BIRC6: variants seen among roughly 807,000 people sequenced by gnomAD.
The protein encoded by BIRC6 is baculoviral IAP repeat containing 6.
BIRC6 carries 98 observed loss-of-function variants against 503.3 expected under a neutral mutation model. The ratio of observed to expected loss-of-function variants is 0.19; its 90% CI spans 0.17 to 0.23. The LOEUF is 0.23. BIRC6 is among the 10% of genes least tolerant of loss of function. The probability of loss-of-function intolerance (pLI) is 1.00; values close to 1 mark genes in which losing one functional copy is unlikely to be tolerated. For synonymous variants in BIRC6, 2,240 were observed against 2,078.7 expected (o/e 1.08, Z -2.11); for missense variants, 5,360 against 5,806.0 (o/e 0.92, Z 2.50).
intron 16 of BIRC6, among the ~76,000 whole-genome samples, chr2:32,440,916 T>C (rs1425544323): frequency 6.6e-6 from 1 of 151,970 alleles, no homozygotes; most frequent in African/African-American, 2.4e-5. Flanking sequence ...CACTTACCCA[T>C]GCTTGGCTAA....
chr2:32,600,814 C>T (rs930337059), intron 70 of BIRC6, among the ~76,000 whole-genome samples: 1 of 152,138 alleles, frequency 6.6e-6, no homozygotes, highest in African/African-American at 2.4e-5. Context: ...ACACTGTTAG[C>T]ATTTAATCTT....
intron 72 of BIRC6, among the ~76,000 whole-genome samples, chr2:32,609,461 ATTAATTTCT>A (rs1356320269): frequency 6.6e-6 from 1 of 152,172 alleles, no homozygotes; most frequent in Non-Finnish European, 1.5e-5. Flanking sequence ...TCACTTGATC[ATTAATTTCT>A]TAAATTGTGC....
At chr2:32,451,179 CCTT>C (rs1212580078) in intron 22 of BIRC6, among the ~76,000 whole-genome samples, 3 of 152,226 alleles carry the variant, frequency 2.0e-5, no homozygotes, top group African/African-American at 7.2e-5. Flanking sequence ...TTACCTTTCT[CCTT>C]AGAGTACTTT....
At chr2:32,576,269 GCTTAT>G (rs2060258227) in intron 66 of BIRC6, among the ~76,000 whole-genome samples, 1 of 152,160 alleles carries the variant, frequency 6.6e-6, no homozygotes. Context: ...AAGTCTTAAT[GCTTAT>G]CTTTAAGGAA....
chr2:32,391,880 A>C (rs1333371151), intron 4 of BIRC6, among the ~76,000 whole-genome samples, 159 bp from the exon 5 acceptor site: 2 of 152,226 alleles, frequency 1.3e-5, no homozygotes, highest in Non-Finnish European at 2.9e-5. Context: ...ATTCCCAAAA[A>C]TTACCGTTTT....
At chr2:32,468,153 ATTT>A (rs2048752877) in intron 28 of BIRC6, 42 bp downstream of exon 28, 2 of 1,550,192 alleles carry the variant, frequency 1.3e-6, no homozygotes, top group African/African-American at 1.4e-5. Flanking sequence ...GAAACTTTGT[ATTT>A]TATATAATGT....
intron 72 of BIRC6, 71 bp downstream of exon 72, chr2:32,607,714 A>G: frequency 7.5e-7 from 1 of 1,332,202 alleles, no homozygotes; most frequent in East Asian, 2.5e-5. Context: ...ATGGTGGCTC[A>G]TGCCTGTAAT....
chr2:32,391,990 C>T (rs767772976), intron 4 of BIRC6, 49 bp from the exon 5 acceptor site: 5 of 1,240,878 alleles, frequency 4.0e-6, no homozygotes, highest in Non-Finnish European at 5.6e-6. Flanking sequence ...AGAAGTTTCA[C>T]TGTGATTTGA....
intron 5 of BIRC6, among the ~76,000 whole-genome samples, chr2:32,392,808 AT>A (rs564215951): frequency 1.8e-3 from 258 of 139,712 alleles, no homozygotes; most frequent in East Asian, 2.1e-3. Flanking sequence ...CACCAACCTA[AT>A]TTTTTTTTTT....
chr2:32,420,111 T>C (rs944911468), intron 10 of BIRC6, among the ~76,000 whole-genome samples: 5 of 152,234 alleles, frequency 3.3e-5, no homozygotes, highest in African/African-American at 9.6e-5. Context: ...ATTTTGTTCA[T>C]AGTTTTTGCA....
intron 22 of BIRC6, among the ~76,000 whole-genome samples, chr2:32,450,617 T>C (rs2046601348): frequency 6.6e-6 from 1 of 152,180 alleles, no homozygotes; most frequent in African/African-American, 2.4e-5. Context: ...ATCTTTCTTA[T>C]CACCCACATT....
chr2:32,583,415 G>C (rs550486247), intron 66 of BIRC6, among the ~76,000 whole-genome samples: 7 of 152,250 alleles, frequency 4.6e-5, no homozygotes, highest in Non-Finnish European at 1.0e-4. Flanking sequence ...AAGTGTAAAA[G>C]TTAACACAGA....
chr2:32,532,221 T>C (rs1035234061), intron 61 of BIRC6: 1 of 531,796 alleles, frequency 1.9e-6, no homozygotes, highest in Non-Finnish European at 3.9e-6. Context: ...CCTGAGCTGC[T>C]GTACCAAAAT....
At chr2:32,567,106 G>A (rs1481234291) in intron 65 of BIRC6, among the ~76,000 whole-genome samples, 18 of 152,184 alleles carry the variant, frequency 1.2e-4, no homozygotes, top group Admixed American at 1.2e-3. Flanking sequence ...GATTAGCTGG[G>A]ATTACAGGCG....
chr2:32,592,659 G>A (rs1204678841), intron 66 of BIRC6, among the ~76,000 whole-genome samples: 4 of 151,610 alleles, frequency 2.6e-5, no homozygotes, highest in Admixed American at 2.6e-4. Context: ...GTAATGACGT[G>A]ATCTCGGCTC....
rs2045887352 is a variant in BIRC6, at chr2:32,445,816, ATAGCCTGAGGTTTTAC to A, written c.4484+150_4484+165del. ...TATACCTTACTTTTTCCATACGATA[ATAGCCTGAGGTTTTAC>A]TTTCTTCTGTTTTGTCAGAAATTAC... On this transcript the variant is annotated intron_variant, in intron 21 of 73. Coordinates refer to ENST00000421745, the MANE Select transcript of BIRC6 (RefSeq NM_016252.4). The A allele has an allele frequency of 5.5e-5, 29 of 527,450 alleles. No individual in the cohort carries two copies. The East Asian group carries it at 1.0e-3, about 19-fold the overall frequency. The allele number at this position is 527,450 out of a possible 1,614,324, so 32.7% of individuals were successfully genotyped here.
chr2:32,613,697 A>T (rs114039531), intron 73 of BIRC6, among the ~76,000 whole-genome samples: 1 of 151,954 alleles, frequency 6.6e-6, no homozygotes, highest in Non-Finnish European at 1.5e-5. Flanking sequence ...AGCATTTCTA[A>T]CCCTCTGCGT....
chr2:32,524,924 A>C lies in BIRC6; in HGVS notation c.11660A>C (p.Gln3887Pro), dbSNP rs775169472. The C allele has an allele frequency of 5.9e-6, 9 of 1,520,026 alleles. No individual in the cohort carries two copies. Among genetic ancestry groups the C allele is most frequent in the Non-Finnish European group, 7.1e-6 (8 of 1,130,728 alleles). The allele number at this position is 1,520,026 out of a possible 1,614,324, so 94.2% of individuals were successfully genotyped here. ...PSITAKLISEQKDDKEKKNHE... is the reference protein window; with the variant it reads ...PSITAKLISEPKDDKEKKNHE... The stretch of plus-strand genomic sequence containing the variant: ...ATCACAGCTAAATTAATTAGTGAAC[A>C]AAAAGATGACAAAGAAAAGAAAAAC... The change falls in exon 58 of 74, where the codon CAA becomes CCA. Residue 3887 changes from glutamine (Q) to proline (P), a missense_variant. By Grantham distance (76) the Gln-to-Pro change is moderately conservative. This residue lies in a region of BIRC6 where 878 missense variants were observed against 928.9 expected (regional missense o/e 0.95). Coordinates refer to ENST00000421745, the MANE Select transcript of BIRC6 (RefSeq NM_016252.4).
At chr2:32,395,665 C>A in intron 6 of BIRC6, 72 bp downstream of exon 6, 1 of 1,335,598 alleles carries the variant, frequency 7.5e-7, no homozygotes, top group African/African-American at 1.5e-5. Context: ...TTTTACTTTT[C>A]TGCTTATGAT....
Sources: gnomAD v4.1 joint callset for allele counts (sites outside exome capture counted in the v4.1 genomes callset) on GRCh38, gnomAD v4.1.1 for gene constraint, gnomAD v4.1.1 regional missense constraint, MANE v1.5 for transcripts, NCBI Gene and HGNC (gene_info 2026-07-23, HGNC 2026-07-21) for gene names.